Variants in CNTN6 observed in about 807,000 individuals in gnomAD.
The protein encoded by CNTN6 is contactin-6.
Under a neutral mutation model 122.8 loss-of-function variants are expected in CNTN6, and 137 were observed. The observed-to-expected ratio is 1.12, with a 90% CI of 0.97 to 1.29. CNTN6 has a LOEUF of 1.29. Ranked by LOEUF, CNTN6 falls within the 50% of genes most tolerant of loss-of-function variation. CNTN6 has a pLI of 0.00. For synonymous variants in CNTN6, 570 were observed against 426.0 expected, an observed-to-expected ratio of 1.34 and a Z score of -4.16; for missense variants, 1,634 against 1,223.4, an observed-to-expected ratio of 1.34 and a Z score of -5.01.
intron 11 of CNTN6, among the ~76,000 whole-genome samples, chr3:1,346,729 A>G (rs1427071810): frequency 1.3e-5 from 2 of 152,130 alleles, no homozygotes; most frequent in East Asian, 3.9e-4. Flanking sequence ...ATGGACTAAG[A>G]CACCGGAAAA....
At chr3:1,348,466 A>T (rs1447479926) in intron 11 of CNTN6, among the ~76,000 whole-genome samples, 1 of 152,040 alleles carries the variant, frequency 6.6e-6, no homozygotes, top group African/African-American at 2.4e-5. Context: ...GAATCTTGAG[A>T]AAATGCACAT....
chr3:1,328,074 G>A (rs1001532708), intron 10 of CNTN6, among the ~76,000 whole-genome samples: 18 of 151,540 alleles, frequency 1.2e-4, no homozygotes, highest in African/African-American at 4.4e-4. Flanking sequence ...TCTAGTTATA[G>A]AAATCAAGTC....
chr3:1,372,816 A>G (rs1285576677), intron 13 of CNTN6, 22 bp from the exon 14 acceptor site: 3 of 1,441,888 alleles, frequency 2.1e-6, no homozygotes, highest in African/African-American at 2.8e-5. Context: ...GTTTTTATCC[A>G]TTTCTCCCTT....
rs141091849 is a variant in CNTN6, at chr3:1,166,816, T to A, written c.55+18753T>A. 2.5e-3 allele frequency among the ~76,000 whole-genome samples: 373 copies of A among 152,108 alleles called. 2 individuals are homozygous for A. The highest frequency in any genetic ancestry group is 8.4e-3 in the African/African-American group (349 of 41,484). Reference sequence around the variant, plus strand: ...ACCAAACACTGCATGTTCTCACTCATAAGTGGGAGTTGAGCTATGAGAACA... The same window carrying A: ...ACCAAACACTGCATGTTCTCACTCAAAAGTGGGAGTTGAGCTATGAGAACA... On this transcript the variant is annotated intron_variant, in intron 2 of 22. Transcript: ENST00000446702.
intron 3 of CNTN6, among the ~76,000 whole-genome samples, chr3:1,223,923 T>C (rs891726125): frequency 1.3e-5 from 2 of 152,188 alleles, no homozygotes; most frequent in African/African-American, 2.4e-5. Flanking sequence ...AAGCAGAATA[T>C]ACATTATTGC....
chr3:1,377,682 C>T (rs1235292374), intron 17 of CNTN6, among the ~76,000 whole-genome samples: 1 of 152,114 alleles, frequency 6.6e-6, no homozygotes, highest in East Asian at 1.9e-4. Context: ...GTGCCTCAGC[C>T]TAAGAATTCT....
intron 2 of CNTN6, among the ~76,000 whole-genome samples, chr3:1,156,095 C>G (rs2092955681): frequency 6.6e-6 from 1 of 152,134 alleles, no homozygotes; most frequent in Non-Finnish European, 1.5e-5. Context: ...TTCATGTATC[C>G]TTTATTCAAG....
At chr3:1,298,752 C>T (rs1004722198) in intron 7 of CNTN6, among the ~76,000 whole-genome samples, 1 of 152,112 alleles carries the variant, frequency 6.6e-6, no homozygotes, top group Non-Finnish European at 1.5e-5. Flanking sequence ...TATTCTGACT[C>T]TAGAGGTCTA....
chr3:1,262,996 G>C (rs921317463), intron 4 of CNTN6, among the ~76,000 whole-genome samples: 7 of 152,032 alleles, frequency 4.6e-5, no homozygotes, highest in Non-Finnish European at 8.8e-5. Flanking sequence ...GTCTTTGTAA[G>C]AGTTATAAGT....
chr3:1,361,898 A>T (rs1333979715), intron 12 of CNTN6, among the ~76,000 whole-genome samples: 4 of 152,094 alleles, frequency 2.6e-5, no homozygotes, highest in African/African-American at 9.7e-5. Context: ...AAATTTGTCA[A>T]TTCCTAAGCA....
chr3:1,198,108 T>C (rs1201593279), intron 2 of CNTN6, among the ~76,000 whole-genome samples: 1 of 152,166 alleles, frequency 6.6e-6, no homozygotes, highest in Non-Finnish European at 1.5e-5. Flanking sequence ...GAAGTGAACT[T>C]CATTCTATGA....
chr3:1,353,189 T>C (rs1705940832), intron 12 of CNTN6, among the ~76,000 whole-genome samples: 1 of 151,716 alleles, frequency 6.6e-6, no homozygotes, highest in African/African-American at 2.4e-5. Flanking sequence ...ATCACTTCTA[T>C]CATTTCATTG....
At chr3:1,243,893 G>A (rs760935537) in intron 4 of CNTN6, among the ~76,000 whole-genome samples, 2 of 152,050 alleles carry the variant, frequency 1.3e-5, no homozygotes, top group African/African-American at 2.4e-5. Context: ...AAGACTCAGC[G>A]ATGCTTGGGG....
At chr3:1,342,352 A>G (rs1355139783) in intron 11 of CNTN6, among the ~76,000 whole-genome samples, 1 of 152,000 alleles carries the variant, frequency 6.6e-6, no homozygotes, top group Non-Finnish European at 1.5e-5. Context: ...CTGGTCTCGA[A>G]CTCCTGACCT....
chr3:1,290,520 T>C (rs1469223117), intron 5 of CNTN6, among the ~76,000 whole-genome samples: 2 of 152,090 alleles, frequency 1.3e-5, no homozygotes, highest in African/African-American at 2.4e-5. Context: ...GCTATTGTTA[T>C]GGGAAAGGGG....
At chr3:1,348,899 C>T (rs1705186923) in intron 11 of CNTN6, among the ~76,000 whole-genome samples, 2 of 151,958 alleles carry the variant, frequency 1.3e-5, no homozygotes, top group Non-Finnish European at 1.5e-5. Context: ...AGGGCCTGTG[C>T]AGAACCAGCT....
intron 4 of CNTN6, among the ~76,000 whole-genome samples, chr3:1,253,469 A>G (rs1039830673): frequency 2.0e-5 from 3 of 152,172 alleles, no homozygotes; most frequent in Non-Finnish European, 4.4e-5. Flanking sequence ...AAGTCCTTGC[A>G]GGTAATTTTG....
chr3:1,244,553 A>G (rs73002334), intron 4 of CNTN6, among the ~76,000 whole-genome samples: 6,939 of 148,128 alleles, frequency 0.047, 315 homozygotes, highest in East Asian at 0.12. Context: ...AGAGGTAGGA[A>G]CAAAGAGCAG....
intron 4 of CNTN6, among the ~76,000 whole-genome samples, chr3:1,254,575 C>T (rs1470589046): frequency 6.6e-6 from 1 of 152,172 alleles, no homozygotes; most frequent in Non-Finnish European, 1.5e-5. Context: ...GTGGAAGTTA[C>T]AGTGCTGATA....
Sources: allele counts gnomAD v4.1 joint callset (sites outside exome capture counted in the v4.1 genomes callset), GRCh38; gene constraint gnomAD v4.1.1; transcripts MANE v1.5; gene names NCBI Gene and HGNC (gene_info 2026-07-23, HGNC 2026-07-21).